Variants in USP9X observed in about 807,000 individuals in gnomAD.
USP9X encodes ubiquitin carboxyl-terminal hydrolase 9X.
A neutral mutation model predicts 190.3 loss-of-function variants in USP9X; 7 were observed. That is an observed-to-expected ratio of 0.04 (90% CI 0.02 to 0.07). The LOEUF (loss-of-function observed/expected upper bound fraction) is 0.07, where lower values mean the gene tolerates loss of function less well. Ranked by LOEUF, USP9X falls within the 10% of genes least tolerant of loss-of-function variation. The pLI, the probability that USP9X is intolerant of heterozygous loss-of-function variation, is 1.00. For missense variants in USP9X, 1,010 were observed against 1,916.9 expected, an observed-to-expected ratio of 0.53 and a Z score of 8.83; for synonymous variants, 645 against 659.5, an observed-to-expected ratio of 0.98 and a Z score of 0.34.
At chrX:41,206,124 C>T (rs915079523) in intron 32 of USP9X, among the ~76,000 whole-genome samples, 5 of 110,756 alleles carry the variant, frequency 4.5e-5, no homozygotes, top group African/African-American at 1.6e-4. Context: ...AACTCCTGAC[C>T]TCAGGTGATT....
chrX:41,120,088 C>T (rs888788917), intron 1 of USP9X, among the ~76,000 whole-genome samples: 3 of 111,431 alleles, frequency 2.7e-5, no homozygotes, highest in Middle Eastern at 4.6e-3. Flanking sequence ...AGTCTTAAAA[C>T]TTTGTTTTGC....
At chrX:41,121,954 C>T (rs966243607) in intron 1 of USP9X, among the ~76,000 whole-genome samples, 2 of 112,008 alleles carry the variant, frequency 1.8e-5, no homozygotes, top group Non-Finnish European at 3.8e-5. Context: ...CAGTTGTGGC[C>T]TTGTAACCCT....
At chrX:41,165,326 A>G (rs2062670207) in intron 15 of USP9X, among the ~76,000 whole-genome samples, 1 of 111,750 alleles carries the variant, frequency 8.9e-6, no homozygotes, top group Non-Finnish European at 1.9e-5. Flanking sequence ...CCCGGGTTCA[A>G]TTGATTCTCA....
chrX:41,212,085 AC>A (rs2147235124), intron 33 of USP9X, among the ~76,000 whole-genome samples: 1 of 112,178 alleles, frequency 8.9e-6, no homozygotes, highest in East Asian at 2.8e-4. Context: ...AAAGAGGTAG[AC>A]ATGGGAGACT....
Position 41,170,071 on chromosome X carries a change from T to C in USP9X, c.2713T>C (p.Trp905Arg). 2 of 1,211,696 alleles carry C rather than the reference T, an allele frequency of 1.7e-6. No homozygotes were observed. The highest frequency in any genetic ancestry group is 1.1e-6 in the Non-Finnish European group (1 of 895,480). ...QGRQVDDLEV[W>R]SHTNDTIGSV... ...CAGACAGGTTGATGACTTGGAGGTA[T>C]GGTCTCATACAAATGATACAATTGG... is the stretch of plus-strand genomic sequence containing the variant. Residue 905 changes from tryptophan to arginine, a missense_variant, in exon 19 of 45, where the codon TGG becomes CGG. By Grantham distance (101) the Trp-to-Arg change is moderately radical. Transcript: ENST00000378308.
chrX:41,167,500 G>T lies in USP9X; in HGVS notation c.2347G>T (p.Asp783Tyr). 8.3e-7 allele frequency: 1 copy of T among 1,206,386 alleles called. No homozygotes were observed. The highest frequency in any genetic ancestry group is 1.8e-5 in the South Asian group (1 of 56,396). The stretch of plus-strand genomic sequence containing the variant: ...AAACCAGGTCGTGATTCAGAGTAAT[G>T]ATGATATTGCCAGCAGAGCTATAGA... ...YLWRVVIQSN[D>Y]DIASRAIDLL... Residue 783 changes from aspartate (D) to tyrosine (Y), a missense_variant, in exon 17 of 45, where the codon GAT becomes TAT. Transcript: ENST00000378308.
chrX:41,213,322 CTACTT>C (rs1034502398), intron 33 of USP9X, among the ~76,000 whole-genome samples: 7 of 111,226 alleles, frequency 6.3e-5, no homozygotes, highest in African/African-American at 2.0e-4. Flanking sequence ...GAAAGAAACT[CTACTT>C]TGAGTGCCCA....
At chrX:41,210,361 A>G (rs2063147399) in intron 32 of USP9X, 148 bp from the exon 33 acceptor site, 1 of 559,574 alleles carries the variant, frequency 1.8e-6, no homozygotes, top group East Asian at 3.6e-5. Context: ...TTTTTTTCCT[A>G]CTTTTTCCAT....
intron 2 of USP9X, among the ~76,000 whole-genome samples, chrX:41,128,136 T>C (rs1022342745): frequency 2.7e-5 from 3 of 112,259 alleles, no homozygotes; most frequent in Non-Finnish European, 5.6e-5. Flanking sequence ...TCTAAATAAT[T>C]ATTGTTTGGA....
chrX:41,131,812 G>C (rs944455700), intron 4 of USP9X, among the ~76,000 whole-genome samples: 7 of 111,159 alleles, frequency 6.3e-5, no homozygotes, highest in African/African-American at 2.3e-4. Flanking sequence ...TTTAATTGAG[G>C]GTCTTATCTG....
chrX:41,094,799 G>T (rs1349669754), intron 1 of USP9X, among the ~76,000 whole-genome samples: 1 of 109,648 alleles, frequency 9.1e-6, no homozygotes, highest in Non-Finnish European at 1.9e-5. Context: ...AGCACTTTGG[G>T]AGGCTGAGGC....
At chrX:41,106,524 T>TTA (rs1481597620) in intron 1 of USP9X, among the ~76,000 whole-genome samples, 12 of 57,199 alleles carry the variant, frequency 2.1e-4, no homozygotes, top group African/African-American at 6.1e-4. Context: ...CTGAATTAAT[T>TTA]TTTTTTTTTT....
chrX:41,136,483 G>A (rs1259219157), intron 5 of USP9X, among the ~76,000 whole-genome samples: 1 of 112,510 alleles, frequency 8.9e-6, no homozygotes, highest in East Asian at 2.8e-4. Context: ...TTAGACTCTA[G>A]AATTGCTGCC....
At position 41,170,494 on chromosome X, in the gene USP9X, A is replaced by G; in HGVS notation, c.2902A>G (p.Ile968Val). ...KSLITAKLTQ[I>V]SSNMPSSPDS... ...GCTTATTACAGCCAAACTTACACAG[A>G]TAAGTTCCAATATGCCTTCAAGCCC... is the stretch of plus-strand genomic sequence containing the variant. The change falls in exon 20 of 45, where the codon ATA becomes GTA. Residue 968 changes from isoleucine (I) to valine (V), a missense_variant. Ile to Val is a conservative substitution (Grantham distance 29, BLOSUM62 3). Transcript: ENST00000378308. The G allele has an allele frequency of 8.3e-7, 1 of 1,210,640 alleles. No individual in the cohort carries two copies. Among genetic ancestry groups the G allele is most frequent in the East Asian group, 3.0e-5 (1 of 33,841 alleles).
At chrX:41,179,599 C>T (rs1207878642) in intron 21 of USP9X, among the ~76,000 whole-genome samples, 1 of 111,748 alleles carries the variant, frequency 8.9e-6, no homozygotes, top group African/African-American at 3.3e-5. Context: ...TTTTTGTATC[C>T]TGCAGTTAAC....
intron 1 of USP9X, among the ~76,000 whole-genome samples, chrX:41,113,490 C>T (rs754982840): frequency 2.7e-5 from 3 of 111,798 alleles, no homozygotes; most frequent in South Asian, 7.4e-4. Context: ...TGAGCCACCG[C>T]GCCTGGCCAA....
Position 41,136,959 on chromosome X carries a change from C to T in USP9X, c.591C>T (p.Ser197=). The change falls in exon 6 of 45, where the codon TCC becomes TCT. Residue 197 remains serine (S), a synonymous_variant. Transcript: ENST00000378308. ...YNGTRPCESV[S]SSVQLPEDEL... is the part of the protein sequence containing the mutation. ...GTACACGTCCATGTGAATCAGTTTCCTCAAGTGTTCAGTTGCCTGAAGATG... is the reference window on the plus strand; with the variant it reads ...GTACACGTCCATGTGAATCAGTTTCTTCAAGTGTTCAGTTGCCTGAAGATG... 1 of 1,211,681 alleles carries T rather than the reference C, an allele frequency of 8.3e-7. No homozygotes were observed. Among genetic ancestry groups the T allele is most frequent in the Non-Finnish European group, 1.1e-6 (1 of 895,462 alleles).
chrX:41,086,666 C>T (rs750804350), intron 1 of USP9X, among the ~76,000 whole-genome samples: 1 of 112,732 alleles, frequency 8.9e-6, no homozygotes, highest in Non-Finnish European at 1.9e-5. Flanking sequence ...AGTTTCTCCC[C>T]GGCCCTGGGC....
At chrX:41,218,264 G>A (rs776340326) in intron 36 of USP9X, 108 bp from the exon 37 acceptor site, 39 of 752,691 alleles carry the variant, frequency 5.2e-5, no homozygotes, top group Non-Finnish European at 6.6e-5. Context: ...CTCTCCAGCA[G>A]TAGAGGAAGA....
Sources: gnomAD v4.1 joint callset for allele counts (sites outside exome capture counted in the v4.1 genomes callset) on GRCh38, gnomAD v4.1.1 for gene constraint, MANE v1.5 for transcripts, NCBI Gene and HGNC (gene_info 2026-07-23, HGNC 2026-07-21) for gene names.